CTNNAL1: variants seen among roughly 807,000 people sequenced by gnomAD.
CTNNAL1 encodes catenin alpha like 1, also known as alpha-catulin.
CTNNAL1 carries 69 observed loss-of-function variants against 93.6 expected under a neutral mutation model. That is an observed-to-expected ratio of 0.74 (90% CI 0.61 to 0.90). The LOEUF (loss-of-function observed/expected upper bound fraction) is 0.90, where lower values mean the gene tolerates loss of function less well. CTNNAL1 is among the 40% of genes least tolerant of loss of function. CTNNAL1 has a pLI of 0.00. For synonymous variants in CTNNAL1, 286 were observed against 305.4 expected, an observed-to-expected ratio of 0.94 and a Z score of 0.66; for missense variants, 836 against 862.0, an observed-to-expected ratio of 0.97 and a Z score of 0.38.
At position 108,992,824 on chromosome 9, in the gene CTNNAL1, C is replaced by T. The variant is rs1014569983; in HGVS notation, c.332-5G>A. ...TAAGTGCTGCAATTGTTTCTCCTAA[C>T]AAGAAAGACGAGGGGAGAAAGTTAA... On this transcript the variant is annotated splice_region_variant and splice_polypyrimidine_tract_variant and intron_variant, in intron 2 of 18. Transcript: ENST00000325551. The T allele has an allele frequency of 1.2e-6, 2 of 1,601,150 alleles. No individual in the cohort carries two copies. Among genetic ancestry groups the T allele is most frequent in the East Asian group, 2.3e-5 (1 of 44,128 alleles).
rs1399075272 is a variant in CTNNAL1 at position 108,942,678 on chromosome 9, G to C, written c.*91C>G. The C allele has an allele frequency of 2.2e-6, 2 of 895,744 alleles. No homozygotes were observed. Among genetic ancestry groups the C allele is most frequent in the East Asian group, 5.0e-5 (2 of 40,388 alleles). 55.5% of individuals were successfully genotyped at this position (895,744 alleles called of 1,614,324 possible). A position where few individuals can be genotyped will look rare whatever the true frequency, so the allele number is the denominator to read the frequency against. ...TCAATATTGTTTTCTTTATAAAATTGATGAATTTCTGAAAAGATAAAGGAT... is the reference window on the plus strand; with the variant it reads ...TCAATATTGTTTTCTTTATAAAATTCATGAATTTCTGAAAAGATAAAGGAT... On this transcript the variant is annotated 3_prime_UTR_variant, in exon 19 of 19. Coordinates refer to ENST00000325551, the MANE Select transcript of CTNNAL1 (RefSeq NM_003798.4).
chr9:108,943,720 T>C lies in CTNNAL1; in HGVS notation c.2038A>G (p.Asn680Asp). ...TCTTTTACCTTTAGAAATACTTTAT[T>C]CTGCAAAGAAGTCTTAGTTACTGTC... is the stretch of plus-strand genomic sequence containing the variant. ...LQTVTKTSLQ[N>D]KVFLKVDKCI... is the part of the protein sequence containing the mutation. The change falls in exon 17 of 19, where the codon AAT becomes GAT. Residue 680 changes from asparagine to aspartate, a missense_variant. By Grantham distance (23) the Asn-to-Asp change is conservative. Coordinates refer to ENST00000325551, the MANE Select transcript of CTNNAL1 (RefSeq NM_003798.4). The C allele has an allele frequency of 1.9e-6, 3 of 1,611,654 alleles. No homozygotes were observed. Among genetic ancestry groups the C allele is most frequent in the East Asian group, 2.2e-5 (1 of 44,848 alleles).
rs1830643939 is a variant in CTNNAL1, at chr9:108,954,591, ACAAATTGCTATTTGTACTTT to A, written c.1629+1179_1629+1198del. Reference sequence around the variant, plus strand: ...GGTTATCTTAAAATAACAAAAATAGACAAATTGCTATTTGTACTTTCAAACTGTTCTGACAATAGCTTAAG... The same window carrying A: ...GGTTATCTTAAAATAACAAAAATAGACAAACTGTTCTGACAATAGCTTAAG... On this transcript the variant is annotated intron_variant, in intron 12 of 18. Coordinates refer to ENST00000325551, the MANE Select transcript of CTNNAL1 (RefSeq NM_003798.4). Among the ~76,000 whole-genome samples, 4 of 152,202 alleles carry A rather than the reference ACAAATTGCTATTTGTACTTT, an allele frequency of 2.6e-5. No individual in the cohort carries two copies. In the East Asian group the frequency reaches 7.7e-4, roughly 29 times the overall value.
chr9:108,947,092 G>A (rs1352742519), intron 15 of CTNNAL1, among the ~76,000 whole-genome samples: 2 of 150,660 alleles, frequency 1.3e-5, no homozygotes, highest in Non-Finnish European at 3.0e-5. Context: ...CTATATGAGT[G>A]ATAAAGTGAT....
intron 11 of CTNNAL1, 45 bp downstream of exon 11, chr9:108,965,333 T>C (rs2132118465): frequency 7.6e-7 from 1 of 1,321,468 alleles, no homozygotes; most frequent in East Asian, 2.8e-5. Flanking sequence ...TAACAAGAGT[T>C]ACATTAAAAT....
At position 108,955,804 on chromosome 9, in the gene CTNNAL1, G is replaced by C; in HGVS notation, c.1615C>G (p.Leu539Val). Residue 539 changes from leucine (L) to valine (V), a missense_variant, in exon 12 of 19, where the codon CTT (leucine) becomes GTT (valine). Leu to Val is a conservative substitution (Grantham distance 32). Transcript: ENST00000325551. ...CTTCTACTTACCATTGGCTTTGGAA[G>C]TGAAAGGTAGCCATACTTCTCTCCT... Reference protein sequence around the residue: ...RRGEKYGYLSLPKPMKNNANL... With the variant: ...RRGEKYGYLSVPKPMKNNANL... 6.2e-7 allele frequency: 1 copy of C among 1,601,378 alleles called. No homozygotes were observed.
At chr9:108,955,479 C>T (rs538931151) in intron 12 of CTNNAL1, among the ~76,000 whole-genome samples, 1 of 152,166 alleles carries the variant, frequency 6.6e-6, no homozygotes, top group African/African-American at 2.4e-5. Flanking sequence ...ATTGGAAGAA[C>T]AAAACAACTT....
chr9:108,951,867 C>T (rs997378392), intron 14 of CTNNAL1, among the ~76,000 whole-genome samples: 8 of 152,158 alleles, frequency 5.3e-5, no homozygotes, highest in African/African-American at 1.9e-4. Flanking sequence ...TAGTCAATCA[C>T]TGTATAAAGG....
intron 1 of CTNNAL1, among the ~76,000 whole-genome samples, chr9:109,004,289 C>T (rs1167548321): frequency 6.6e-6 from 1 of 152,132 alleles, no homozygotes; most frequent in Non-Finnish European, 1.5e-5. Context: ...TAATGTCGTA[C>T]AACAATCCAG....
chr9:108,985,059 TCTC>T (rs1218124962), intron 4 of CTNNAL1, among the ~76,000 whole-genome samples: 2 of 152,280 alleles, frequency 1.3e-5, no homozygotes, highest in African/African-American at 2.4e-5. Context: ...GGGGGTGACT[TCTC>T]CTCACAGAGC....
chr9:108,994,422 A>G (rs1298350379), intron 2 of CTNNAL1, among the ~76,000 whole-genome samples: 1 of 152,208 alleles, frequency 6.6e-6, no homozygotes, highest in Non-Finnish European at 1.5e-5. Flanking sequence ...CTGACCAATG[A>G]TAAGAAGGAA....
At chr9:108,997,539 T>C (rs933461255) in intron 2 of CTNNAL1, among the ~76,000 whole-genome samples, 2 of 152,244 alleles carry the variant, frequency 1.3e-5, no homozygotes, top group Admixed American at 6.5e-5. Context: ...TATGGAATAA[T>C]AGTTGAAATC....
In CTNNAL1 at chr9:108,970,463, G is replaced by C. The variant is rs1831080534; in HGVS notation, c.1379C>G (p.Thr460Arg). 1 of 1,612,046 alleles carries C rather than the reference G, an allele frequency of 6.2e-7. No individual in the cohort carries two copies. The highest frequency in any genetic ancestry group is 1.7e-4 in the Middle Eastern group (1 of 6,056). ...TCRLLRHISG[T>R]EPLEITCIHA... is the part of the protein sequence containing the mutation. ...TATACAGGTTATTTCCAGAGGTTCT[G>C]TCCCAGATATGTGTCGTAACAATCG... Residue 460 changes from threonine to arginine, a missense_variant, in exon 10 of 19, where the codon ACA (threonine) becomes AGA (arginine). Thr to Arg is a moderately conservative substitution (Grantham distance 71). Transcript: ENST00000325551.
At position 108,970,382 on chromosome 9, in the gene CTNNAL1, G is replaced by T; in HGVS notation, c.1440+20C>A. On this transcript the variant is annotated intron_variant, in intron 10 of 18. Coordinates refer to ENST00000325551, the MANE Select transcript of CTNNAL1 (RefSeq NM_003798.4). ...TCAGATAGGACACAATACAGAAGGAGCAATCTGCTATTATCATACCTGTTG... is the reference window on the plus strand; with the variant it reads ...TCAGATAGGACACAATACAGAAGGATCAATCTGCTATTATCATACCTGTTG... The T allele has an allele frequency of 6.3e-7, 1 of 1,598,362 alleles. No individual in the cohort carries two copies. Among genetic ancestry groups the T allele is most frequent in the Non-Finnish European group, 8.5e-7 (1 of 1,173,300 alleles).
chr9:108,967,389 C>A (rs2132122328), intron 10 of CTNNAL1, among the ~76,000 whole-genome samples: 1 of 152,124 alleles, frequency 6.6e-6, no homozygotes, highest in East Asian at 1.9e-4. Context: ...ATTATTCACA[C>A]ACACATGTAT....
At chr9:108,970,961 A>T (rs559476222) in intron 9 of CTNNAL1, among the ~76,000 whole-genome samples, 2 of 152,242 alleles carry the variant, frequency 1.3e-5, no homozygotes, top group Non-Finnish European at 2.9e-5. Context: ...TGGTATAATA[A>T]GGACAGACCC....
chr9:108,995,143 T>C (rs1231575944), intron 2 of CTNNAL1, among the ~76,000 whole-genome samples: 2 of 152,180 alleles, frequency 1.3e-5, no homozygotes. Context: ...GGTTAATTTG[T>C]TACACAGAAA....
intron 8 of CTNNAL1, 31 bp from the exon 9 acceptor site, chr9:108,972,864 G>GGGGGGGGGGGGGGGGGGGGGCCCCCC: frequency 7.0e-6 from 1 of 142,586 alleles, no homozygotes; most frequent in Non-Finnish European, 1.0e-5. Context: ...GGGGGGGTGG[G>GGGGGGGGGGGGGGGGGGGGGCCCCCC]AGGGTGGAGA....
intron 4 of CTNNAL1, among the ~76,000 whole-genome samples, chr9:108,986,274 A>T (rs1831603019): frequency 6.7e-6 from 1 of 149,232 alleles, no homozygotes; most frequent in Admixed American, 6.8e-5. Flanking sequence ...GAGAACATGC[A>T]GTGTTTGGTT....
Sources: allele counts gnomAD v4.1 joint callset (sites outside exome capture counted in the v4.1 genomes callset), GRCh38; gene constraint gnomAD v4.1.1; transcripts MANE v1.5; gene names NCBI Gene and HGNC (gene_info 2026-07-23, HGNC 2026-07-21).